The following SH3GL2 variants were observed in gnomAD, a reference collection of about 807,000 sequenced individuals.
The protein encoded by SH3GL2 is SH3 domain containing GRB2 like 2, endophilin A1.
Under a neutral mutation model 46.0 loss-of-function variants are expected in SH3GL2, and 24 were observed. The ratio of observed to expected loss-of-function variants is 0.52; its 90% CI spans 0.38 to 0.73. SH3GL2 has a LOEUF of 0.73. SH3GL2 is among the 30% of genes least tolerant of loss of function. SH3GL2 has a pLI of 0.00. For synonymous variants in SH3GL2, 196 were observed against 147.1 expected (o/e 1.33, Z -2.40); for missense variants, 413 against 424.2 (o/e 0.97, Z 0.23).
rs189356286 is a variant in SH3GL2, at chr9:17,693,715, G to T, written c.46-53351G>T. Among the ~76,000 whole-genome samples the T allele has an allele frequency of 2.0e-5, 3 of 152,264 alleles. No homozygotes were observed. The East Asian group carries it at 5.8e-4, about 29-fold the overall frequency. Reference sequence around the variant, plus strand: ...ATGATATTTTTCAAGAACCAAAGTTGCTAAGAACTCCAGTTCTCTGCTGGA... The same window carrying T: ...ATGATATTTTTCAAGAACCAAAGTTTCTAAGAACTCCAGTTCTCTGCTGGA... On this transcript the variant is annotated intron_variant, in intron 1 of 8. Coordinates refer to ENST00000380607, the MANE Select transcript of SH3GL2 (RefSeq NM_003026.5).
intron 1 of SH3GL2, among the ~76,000 whole-genome samples, chr9:17,736,983 A>C (rs796420939): frequency 2.0e-5 from 3 of 152,174 alleles, no homozygotes; most frequent in South Asian, 4.1e-4. Flanking sequence ...TTGGATAAAG[A>C]AAATGTGGCA....
chr9:17,630,081 G>C (rs921324314), intron 1 of SH3GL2, among the ~76,000 whole-genome samples: 1 of 152,136 alleles, frequency 6.6e-6, no homozygotes, highest in African/African-American at 2.4e-5. Flanking sequence ...GCTGGCCTCA[G>C]AATCACTGCT....
At chr9:17,761,319 T>C in intron 2 of SH3GL2, 118 bp from the exon 3 acceptor site, 1 of 700,666 alleles carries the variant, frequency 1.4e-6, no homozygotes, top group Non-Finnish European at 2.6e-6. Flanking sequence ...CCTCACCTAC[T>C]GCGGGACTTG....
chr9:17,614,200 A>C (rs926666326), intron 1 of SH3GL2, among the ~76,000 whole-genome samples: 1 of 149,192 alleles, frequency 6.7e-6, no homozygotes, highest in African/African-American at 2.5e-5. Flanking sequence ...ATTCTCAGTA[A>C]ATCACCAGCA....
intron 2 of SH3GL2, among the ~76,000 whole-genome samples, chr9:17,759,602 T>C (rs993460488): frequency 6.6e-6 from 1 of 152,156 alleles, no homozygotes; most frequent in Admixed American, 6.5e-5. Context: ...GCATTGAGTG[T>C]GTAAAGATAT....
chr9:17,589,107 C>A (rs2383031), intron 1 of SH3GL2: 83,422 of 152,170 alleles, frequency 0.55, 26,395 homozygotes, highest in Non-Finnish European at 0.7. Context: ...ACATACACAA[C>A]ATACATATGC....
intron 1 of SH3GL2, among the ~76,000 whole-genome samples, chr9:17,616,483 C>A (rs1819001922): frequency 6.6e-6 from 1 of 151,978 alleles, no homozygotes; most frequent in Non-Finnish European, 1.5e-5. Context: ...AGGTGGTGTA[C>A]TTTTTGTGGG....
chr9:17,606,290 A>C (rs1027533546), intron 1 of SH3GL2, among the ~76,000 whole-genome samples: 2 of 151,996 alleles, frequency 1.3e-5, no homozygotes, highest in Admixed American at 6.6e-5. Context: ...ACGAGGTTTC[A>C]CCATCTCGGT....
chr9:17,663,676 G>A (rs867638263), intron 1 of SH3GL2, among the ~76,000 whole-genome samples: 2 of 152,096 alleles, frequency 1.3e-5, no homozygotes, highest in Admixed American at 6.6e-5. Flanking sequence ...TGTCAAGGCT[G>A]GTATAAATTT....
rs541417348 is a variant in SH3GL2 at position 17,682,190 on chromosome 9, C to G, written c.46-64876C>G. ...ATCTACAACCAGAACTACCGTTTGA[C>G]CCAGCAATCCCATTACTAGATATAT... is the stretch of plus-strand genomic sequence containing the variant. On this transcript the variant is annotated intron_variant, in intron 1 of 8. Transcript: ENST00000380607. Among the ~76,000 whole-genome samples, 249 of 152,228 alleles carry G rather than the reference C, an allele frequency of 1.6e-3. 2 individuals are homozygous for G. The highest frequency in any genetic ancestry group is 5.8e-3 in the African/African-American group (240 of 41,516).
intron 1 of SH3GL2, among the ~76,000 whole-genome samples, chr9:17,661,171 A>G (rs568030318): frequency 6.6e-6 from 1 of 152,304 alleles, no homozygotes; most frequent in South Asian, 2.1e-4. Flanking sequence ...CAAAAAACAA[A>G]AACAAAAACA....
chr9:17,788,310 AG>A (rs1436963512), intron 5 of SH3GL2, among the ~76,000 whole-genome samples: 8 of 152,130 alleles, frequency 5.3e-5, no homozygotes, highest in Admixed American at 5.2e-4. Context: ...TGTACCCTAT[AG>A]CTCAAATGTT....
chr9:17,581,969 C>T (rs988402718), intron 1 of SH3GL2, among the ~76,000 whole-genome samples: 1 of 152,086 alleles, frequency 6.6e-6, no homozygotes, highest in South Asian at 2.1e-4. Context: ...GCTGAGCCCC[C>T]GCACCTGGCC....
chr9:17,787,325 T>C (rs1185012791), intron 4 of SH3GL2, 55 bp from the exon 5 acceptor site: 8 of 1,500,698 alleles, frequency 5.3e-6, no homozygotes, highest in Non-Finnish European at 5.5e-6. Context: ...GCCCTGTTAT[T>C]GCGAGTGCAT....
chr9:17,757,092 T>C (rs1173127467), intron 2 of SH3GL2, among the ~76,000 whole-genome samples: 1 of 152,230 alleles, frequency 6.6e-6, no homozygotes, highest in African/African-American at 2.4e-5. Flanking sequence ...ATGAGCATTT[T>C]TCCATATGTC....
At chr9:17,615,247 A>G (rs1189917151) in intron 1 of SH3GL2, among the ~76,000 whole-genome samples, 1 of 152,190 alleles carries the variant, frequency 6.6e-6, no homozygotes, top group Non-Finnish European at 1.5e-5. Flanking sequence ...GTTTACTGGG[A>G]TATTTTAGGA....
chr9:17,618,872 CAA>C (rs1491505108), intron 1 of SH3GL2, among the ~76,000 whole-genome samples: 3 of 151,190 alleles, frequency 2.0e-5, no homozygotes, highest in East Asian at 1.9e-4. Context: ...CATCTCCTTG[CAA>C]GAGAGAGAGA....
chr9:17,584,677 G>C (rs1035433408), intron 1 of SH3GL2, among the ~76,000 whole-genome samples: 2 of 152,160 alleles, frequency 1.3e-5, no homozygotes, highest in Non-Finnish European at 2.9e-5. Flanking sequence ...TGTCAGGATT[G>C]AATGAGGTAA....
intron 1 of SH3GL2, among the ~76,000 whole-genome samples, chr9:17,721,890 C>G (rs1185709376): frequency 6.6e-6 from 1 of 152,030 alleles, no homozygotes; most frequent in Non-Finnish European, 1.5e-5. Flanking sequence ...AATATAACCA[C>G]TAATAGGAAA....
Sources: allele counts gnomAD v4.1 joint callset (sites outside exome capture counted in the v4.1 genomes callset), GRCh38; gene constraint gnomAD v4.1.1; transcripts MANE v1.5; gene names NCBI Gene and HGNC (gene_info 2026-07-23, HGNC 2026-07-21).